Variants in RNGTT observed in about 807,000 individuals in gnomAD.
RNGTT encodes RNA guanylyltransferase and 5'-phosphatase, also known as mRNA-capping enzyme.
Under a neutral mutation model 79.3 loss-of-function variants are expected in RNGTT, and 33 were observed. The ratio of observed to expected loss-of-function variants is 0.42; its 90% CI spans 0.32 to 0.56. The LOEUF is 0.56. Among genes scored for constraint, RNGTT ranks in the 20% least tolerant of loss-of-function variants. RNGTT has a pLI of 0.17. For synonymous variants in RNGTT, 222 were observed against 235.9 expected (o/e 0.94, Z 0.54); for missense variants, 497 against 739.1 (o/e 0.67, Z 3.80).
At chr6:88,846,822 C>T (rs2127902675) in intron 10 of RNGTT, among the ~76,000 whole-genome samples, 1 of 151,952 alleles carries the variant, frequency 6.6e-6, no homozygotes, top group Non-Finnish European at 1.5e-5. Context: ...TGACTCAATC[C>T]TTCAAAACTA....
At chr6:88,903,844 C>T (rs1783554588) in intron 6 of RNGTT, among the ~76,000 whole-genome samples, 1 of 152,192 alleles carries the variant, frequency 6.6e-6, no homozygotes, top group African/African-American at 2.4e-5. Context: ...ATATCATATA[C>T]TTGTGTGTGT....
intron 1 of RNGTT, among the ~76,000 whole-genome samples, chr6:88,962,844 TC>T (rs1405449367): frequency 6.6e-6 from 1 of 151,868 alleles, no homozygotes; most frequent in Non-Finnish European, 1.5e-5. Flanking sequence ...GGTGGGAGGA[TC>T]CCCAGCCCGA....
At chr6:88,837,463 C>A (rs142092252) in intron 11 of RNGTT, among the ~76,000 whole-genome samples, 1 of 151,982 alleles carries the variant, frequency 6.6e-6, no homozygotes, top group African/African-American at 2.4e-5. Flanking sequence ...TTTTATTACA[C>A]TGATGAAAAC....
intron 13 of RNGTT, among the ~76,000 whole-genome samples, chr6:88,741,013 T>G (rs1003714530): frequency 6.6e-6 from 1 of 152,154 alleles, no homozygotes; most frequent in African/African-American, 2.4e-5. Context: ...GTAAATTAGT[T>G]TGACCATCAT....
chr6:88,927,484 G>A (rs961769966), intron 4 of RNGTT, among the ~76,000 whole-genome samples: 71 of 152,252 alleles, frequency 4.7e-4, no homozygotes, highest in East Asian at 3.9e-4. Context: ...CCAACATGGA[G>A]AAACCCTGTC....
intron 13 of RNGTT, among the ~76,000 whole-genome samples, chr6:88,715,316 G>A (rs79892464): frequency 0.12 from 17,998 of 152,058 alleles, 1,187 homozygotes; most frequent in Middle Eastern, 0.23. Flanking sequence ...AAATAAAAGA[G>A]GATACAAACA....
chr6:88,856,889 T>C (rs1452840597), intron 8 of RNGTT, among the ~76,000 whole-genome samples: 1 of 152,192 alleles, frequency 6.6e-6, no homozygotes, highest in African/African-American at 2.4e-5. Flanking sequence ...TATGATGCAA[T>C]ATAATTTCTT....
chr6:88,713,777 C>T (rs756563482), intron 13 of RNGTT, among the ~76,000 whole-genome samples: 21 of 152,058 alleles, frequency 1.4e-4, no homozygotes, highest in South Asian at 2.1e-4. Context: ...CTTTTTATTA[C>T]GCTACATATG....
intron 13 of RNGTT, among the ~76,000 whole-genome samples, chr6:88,765,070 T>C (rs2127839074): frequency 6.6e-6 from 1 of 151,468 alleles, no homozygotes; most frequent in Middle Eastern, 3.4e-3. Flanking sequence ...CAGGCGCCTG[T>C]AGTCAAAGCT....
Position 88,743,472 on chromosome 6 carries a change from TA to T in RNGTT, c.1439+26301del, listed in dbSNP as rs145100822. Among the ~76,000 whole-genome samples, 66 of 152,262 alleles carry T rather than the reference TA, an allele frequency of 4.3e-4. No homozygotes were observed. The East Asian group carries it at 0.011, about 26-fold the overall frequency. On this transcript the variant is annotated intron_variant, in intron 13 of 15. Coordinates refer to ENST00000369485, the MANE Select transcript of RNGTT (RefSeq NM_003800.5). The stretch of plus-strand genomic sequence containing the variant: ...TTTTGTAGAACTGAAACTCTACACC[TA>T]TGAAAAATGACTTCCCATTCCCCAC...
At chr6:88,764,525 G>A (rs1778385047) in intron 13 of RNGTT, among the ~76,000 whole-genome samples, 1 of 152,132 alleles carries the variant, frequency 6.6e-6, no homozygotes, top group Non-Finnish European at 1.5e-5. Flanking sequence ...TTTTACAAAA[G>A]ACTTTTACAG....
chr6:88,680,037 G>C (rs1048417477), intron 13 of RNGTT, among the ~76,000 whole-genome samples: 2 of 152,098 alleles, frequency 1.3e-5, no homozygotes, highest in Non-Finnish European at 1.5e-5. Flanking sequence ...GCATGAATCT[G>C]AGAATGGAAC....
At chr6:88,868,437 T>C (rs151063815) in intron 8 of RNGTT, among the ~76,000 whole-genome samples, 1 of 152,206 alleles carries the variant, frequency 6.6e-6, no homozygotes, top group Non-Finnish European at 1.5e-5. Flanking sequence ...CTGCCTTAAC[T>C]GTAAGAGCTT....
chr6:88,707,573 A>G (rs1236059291), intron 13 of RNGTT, among the ~76,000 whole-genome samples: 1 of 152,070 alleles, frequency 6.6e-6, no homozygotes, highest in Admixed American at 6.6e-5. Flanking sequence ...TACCCATTTA[A>G]TGCTTCAAAG....
chr6:88,657,607 A>T (rs562003739), intron 14 of RNGTT, among the ~76,000 whole-genome samples: 1 of 152,288 alleles, frequency 6.6e-6, no homozygotes, highest in East Asian at 1.9e-4. Context: ...GGCAGGTGGG[A>T]AGGGGTGAGG....
chr6:88,690,571 G>A (rs868213151), intron 13 of RNGTT, among the ~76,000 whole-genome samples: 34 of 151,902 alleles, frequency 2.2e-4, no homozygotes, highest in African/African-American at 8.0e-4. Context: ...AGTTAGTCAG[G>A]TATGGTGGCA....
chr6:88,826,284 T>A (rs1780652549), intron 11 of RNGTT, among the ~76,000 whole-genome samples: 1 of 152,212 alleles, frequency 6.6e-6, no homozygotes, highest in African/African-American at 2.4e-5. Context: ...ACCAATTGTG[T>A]ACTAGAATCA....
chr6:88,701,119 AGAG>A (rs1303213991), intron 13 of RNGTT, among the ~76,000 whole-genome samples: 2 of 152,080 alleles, frequency 1.3e-5, no homozygotes, highest in African/African-American at 2.4e-5. Context: ...AGAAGAAAGA[AGAG>A]AAGAAGAAGA....
At position 88,669,020 on chromosome 6, in the gene RNGTT, ATTCATC is replaced by A. The variant is rs1455917571; in HGVS notation, c.1506+9327_1506+9332del. 2.0e-5 allele frequency among the ~76,000 whole-genome samples: 3 copies of A among 152,308 alleles called. No individual in the cohort carries two copies. The East Asian group carries it at 5.8e-4, about 29-fold the overall frequency. ...GTTTGCCTACAAAAAGGAAAAAGTAATTCATCTTGCACCTCCGGTAACTGTAACCCA... is the reference window on the plus strand; with the variant it reads ...GTTTGCCTACAAAAAGGAAAAAGTAATTGCACCTCCGGTAACTGTAACCCA... On this transcript the variant is annotated intron_variant, in intron 14 of 15. Coordinates refer to ENST00000369485, the MANE Select transcript of RNGTT (RefSeq NM_003800.5).
Sources: allele counts gnomAD v4.1 joint callset (sites outside exome capture counted in the v4.1 genomes callset), GRCh38; gene constraint gnomAD v4.1.1; transcripts MANE v1.5; gene names NCBI Gene and HGNC (gene_info 2026-07-23, HGNC 2026-07-21).